The following IGFBP4 variants were observed in gnomAD, a reference collection of about 807,000 sequenced individuals.
IGFBP4 encodes insulin like growth factor binding protein 4, also known as insulin-like growth factor-binding protein 4.
In IGFBP4, 9 loss-of-function variants were observed where a neutral mutation model predicts 25.8. The ratio of observed to expected loss-of-function variants is 0.35; its 90% confidence interval spans 0.21 to 0.61. The LOEUF is 0.61. IGFBP4 is among the 20% of genes least tolerant of loss of function. The pLI, the probability that IGFBP4 is intolerant of heterozygous loss-of-function variation, is 0.77. For missense variants in IGFBP4, 315 were observed against 365.3 expected (o/e 0.86, Z 1.12); for synonymous variants, 153 against 153.9 (o/e 0.99, Z 0.05).
At position 40,456,432 on chromosome 17, in the gene IGFBP4, T is replaced by C. The variant is rs767384298; in HGVS notation, c.643-17T>C. On this transcript the variant is annotated splice_polypyrimidine_tract_variant and intron_variant, in intron 3 of 3. Transcript: ENST00000269593. ...TTCCTGCGTCGGAACTGACCCCTCA[T>C]GTCCTTCTCTTGGCAGTGTCACCCA... The C allele has an allele frequency of 5.0e-6, 8 of 1,613,880 alleles. No homozygotes were observed. In the African/African-American group the frequency reaches 1.1e-4, roughly 22 times the overall value.
intron 1 of IGFBP4, among the ~76,000 whole-genome samples, chr17:40,450,516 G>T (rs2035676439): frequency 1.3e-5 from 2 of 151,528 alleles, no homozygotes; most frequent in Non-Finnish European, 1.5e-5. Flanking sequence ...TTTAATTCTT[G>T]AATTTTTTTT....
At chr17:40,447,921 T>A (rs1452259601) in intron 1 of IGFBP4, among the ~76,000 whole-genome samples, 1 of 151,964 alleles carries the variant, frequency 6.6e-6, no homozygotes, top group East Asian at 1.9e-4. Flanking sequence ...AGGGGTGGGG[T>A]GGCCTTTGGT....
intron 1 of IGFBP4, among the ~76,000 whole-genome samples, chr17:40,452,216 C>T (rs1169771071): frequency 6.6e-6 from 1 of 152,196 alleles, no homozygotes; most frequent in African/African-American, 2.4e-5. Context: ...CTCATCACTC[C>T]CGTCTCCAGA....
At chr17:40,454,093 T>C (rs758765956) in intron 3 of IGFBP4, 31 bp downstream of exon 3, 16 of 1,603,210 alleles carry the variant, frequency 1.0e-5, no homozygotes, top group Non-Finnish European at 1.4e-5. Flanking sequence ...GGCTTGGCCC[T>C]GGACTCAGCT....
chr17:40,446,156 A>AC (rs1296426474), intron 1 of IGFBP4, among the ~76,000 whole-genome samples: 1 of 87,862 alleles, frequency 1.1e-5, no homozygotes, highest in Non-Finnish European at 2.2e-5. Context: ...ATATAGCCAG[A>AC]CCCCCGTCTC....
intron 1 of IGFBP4, 96 bp downstream of exon 1, chr17:40,444,180 C>T (rs910837499): frequency 1.1e-5 from 10 of 948,256 alleles, no homozygotes; most frequent in Admixed American, 2.2e-5. Flanking sequence ...CCTTAAAAAT[C>T]CCCTATGAGT....
In IGFBP4 at chr17:40,457,348, G is replaced by C. The variant is rs2035721233; in HGVS notation, c.*765G>C. On this transcript the variant is annotated 3_prime_UTR_variant, in exon 4 of 4. Transcript: ENST00000269593. ...CAAAGGAAGACTTGAAGCACAGAGGGCTAGGGAGGTGGGGTACATTTCTCT... is the reference window on the plus strand; with the variant it reads ...CAAAGGAAGACTTGAAGCACAGAGGCCTAGGGAGGTGGGGTACATTTCTCT... 1 of 152,238 alleles carries C rather than the reference G, an allele frequency of 6.6e-6. No homozygotes were observed. The highest frequency in any genetic ancestry group is 2.1e-4 in the South Asian group (1 of 4,822). The allele number at this position is 152,238 out of a possible 1,614,324, so 9.4% of individuals were successfully genotyped here. A position where few individuals can be genotyped will look rare whatever the true frequency, so the allele number is the denominator to read the frequency against.
Position 40,452,976 on chromosome 17 carries a change from T to G in IGFBP4, c.350-9T>G, listed in dbSNP as rs1186477387. ...GTGCTGACCTCTCCTTATCGCTACC[T>G]GAATACAGACAAGGACGAGGGTGAC... On this transcript the variant is annotated splice_polypyrimidine_tract_variant and intron_variant, in intron 1 of 3. Transcript: ENST00000269593. 1 of 1,510,928 alleles carries G rather than the reference T, an allele frequency of 6.6e-7. No individual in the cohort carries two copies. Among genetic ancestry groups the G allele is most frequent in the East Asian group, 2.6e-5 (1 of 38,946 alleles). The allele number at this position is 1,510,928 out of a possible 1,614,324, so 93.6% of individuals were successfully genotyped here. A position where few individuals can be genotyped will look rare whatever the true frequency, so the allele number is the denominator to read the frequency against.
intron 3 of IGFBP4, among the ~76,000 whole-genome samples, chr17:40,455,388 A>C (rs1248941125): frequency 6.6e-6 from 1 of 151,776 alleles, no homozygotes; most frequent in Non-Finnish European, 1.5e-5. Context: ...TGATGCGATC[A>C]CAGCTCCCTG....
At chr17:40,448,789 A>C (rs183833578) in intron 1 of IGFBP4, among the ~76,000 whole-genome samples, 1 of 152,316 alleles carries the variant, frequency 6.6e-6, no homozygotes, top group African/African-American at 2.4e-5. Flanking sequence ...GATTACATGG[A>C]AAGTCAACAA....
intron 3 of IGFBP4, among the ~76,000 whole-genome samples, chr17:40,454,703 CA>C (rs931346095): frequency 8.5e-5 from 13 of 152,334 alleles, no homozygotes; most frequent in African/African-American, 3.1e-4. Context: ...GGTCCTCTGA[CA>C]AGCCTCCAGG....
intron 1 of IGFBP4, among the ~76,000 whole-genome samples, chr17:40,451,357 C>A (rs1452333470): frequency 6.6e-6 from 1 of 152,144 alleles, no homozygotes; most frequent in African/African-American, 2.4e-5. Flanking sequence ...TTATTAATAA[C>A]CTTTGGTGTG....
chr17:40,452,687 G>T (rs1597675882), intron 1 of IGFBP4, among the ~76,000 whole-genome samples: 1 of 152,142 alleles, frequency 6.6e-6, no homozygotes, highest in African/African-American at 2.4e-5. Flanking sequence ...TCCCTGCAGG[G>T]CCCAGGGGAC....
chr17:40,444,926 C>CACACACAG (rs1456516087), intron 1 of IGFBP4, among the ~76,000 whole-genome samples: 20 of 62,776 alleles, frequency 3.2e-4, no homozygotes, highest in African/African-American at 6.8e-4. Context: ...CACACACACA[C>CACACACAG]AGAGACAGAG....
rs982913033 is a variant in IGFBP4 at position 40,453,424 on chromosome 17, A to G, written c.507+282A>G. Among the ~76,000 whole-genome samples, 1 of 151,864 alleles carries G rather than the reference A, an allele frequency of 6.6e-6. No individual in the cohort carries two copies. The highest frequency in any genetic ancestry group is 2.4e-5 in the African/African-American group (1 of 41,310). On this transcript the variant is annotated intron_variant, in intron 2 of 3. Coordinates refer to ENST00000269593, the MANE Select transcript of IGFBP4 (RefSeq NM_001552.3). The surrounding 1 kb of genome is among the most constrained non-coding windows in gnomAD (Gnocchi z 4.0). Reference sequence around the variant, plus strand: ...TTATTAAATACTGAAAAACTTCTATACCAATTGGTAAAAAGCAGTTACCCA... The same window carrying G: ...TTATTAAATACTGAAAAACTTCTATGCCAATTGGTAAAAAGCAGTTACCCA...
At chr17:40,451,761 G>C (rs188053842) in intron 1 of IGFBP4, among the ~76,000 whole-genome samples, 1 of 152,224 alleles carries the variant, frequency 6.6e-6, no homozygotes, top group Non-Finnish European at 1.5e-5. Context: ...GGTTTTGACT[G>C]CTTGGAGGGA....
Position 40,443,928 on chromosome 17 carries a change from A to T in IGFBP4, c.193A>T (p.Met65Leu). ...CCATCALGLG[M>L]PCGVYTPRCG... ...CGCCACTTGCGCCCTGGGCTTGGGG[A>T]TGCCCTGCGGGGTGTACACCCCCCG... The change falls in exon 1 of 4, where the codon ATG (methionine) becomes TTG (leucine). Residue 65 changes from methionine (M) to leucine (L), a missense_variant. Coordinates refer to ENST00000269593, the MANE Select transcript of IGFBP4 (RefSeq NM_001552.3). 3 of 1,531,004 alleles carry T rather than the reference A, an allele frequency of 2.0e-6. No homozygotes were observed. The highest frequency in any genetic ancestry group is 2.6e-6 in the Non-Finnish European group (3 of 1,143,918). The allele number at this position is 1,531,004 out of a possible 1,614,324, so 94.8% of individuals were successfully genotyped here.
rs34037043 is a variant in IGFBP4 at position 40,454,041 on chromosome 17, C to T, written c.621C>T (p.Asn207=). ...TCCCCATCCCCAACTGCGACCGCAA[C>T]GGCAACTTCCACCCCAAGCAGGTGG... is the stretch of plus-strand genomic sequence containing the variant. ...YIIPIPNCDR[N]GNFHPKQCHP... The change falls in exon 3 of 4, where the codon AAC becomes AAT. Residue 207 remains asparagine (N), a synonymous_variant. Transcript: ENST00000269593. 49 of 1,612,388 alleles carry T rather than the reference C, an allele frequency of 3.0e-5. No homozygotes were observed. The East Asian group carries it at 3.8e-4, about 13-fold the overall frequency.
intron 1 of IGFBP4, among the ~76,000 whole-genome samples, chr17:40,448,945 C>G (rs2035666318): frequency 6.6e-6 from 1 of 152,180 alleles, no homozygotes; most frequent in Non-Finnish European, 1.5e-5. Flanking sequence ...TTTGTGTACA[C>G]TTGCAGTTCT....
Sources: allele counts gnomAD v4.1 joint callset (sites outside exome capture counted in the v4.1 genomes callset), GRCh38; gene constraint gnomAD v4.1.1; non-coding constraint Gnocchi (gnomAD v3.1); transcripts MANE v1.5; gene names NCBI Gene and HGNC (gene_info 2026-07-23, HGNC 2026-07-21).